The following TSBP1 variants were observed in gnomAD, a reference collection of about 807,000 sequenced individuals.
The protein encoded by TSBP1 is testis-expressed basic protein 1.
TSBP1 carries 56 observed loss-of-function variants against 68.8 expected under a neutral mutation model. The ratio of observed to expected loss-of-function variants is 0.81; its 90% confidence interval spans 0.66 to 1.02. TSBP1 has a LOEUF of 1.02. Among genes scored for constraint, TSBP1 ranks in the 50% least tolerant of loss-of-function variants. TSBP1 has a pLI of 0.00. For missense variants in TSBP1, 502 were observed against 641.2 expected, an observed-to-expected ratio of 0.78 and a Z score of 2.34; for synonymous variants, 171 against 208.7, an observed-to-expected ratio of 0.82 and a Z score of 1.56.
chr6:32,370,775 A>C (rs1490751245), intron 1 of TSBP1, among the ~76,000 whole-genome samples: 1 of 151,996 alleles, frequency 6.6e-6, no homozygotes, highest in African/African-American at 2.4e-5. Context: ...TCTTGCAGTC[A>C]TAGGAGAGAA....
chr6:32,328,471 AGTG>A (rs1768537977), intron 16 of TSBP1, among the ~76,000 whole-genome samples: 1 of 151,684 alleles, frequency 6.6e-6, no homozygotes, highest in Non-Finnish European at 1.5e-5. Context: ...GCTGGAGTGC[AGTG>A]GTGAGATCTC....
chr6:32,336,553 C>T lies in TSBP1; in HGVS notation c.430+62G>A. ...TTTAAAAATGCAGGGCAGATCAGGC[C>T]CCAAGACCTTGTAGGTCAGATATCA... On this transcript the variant is annotated intron_variant, in intron 12 of 22. Coordinates refer to ENST00000612031, the Ensembl canonical transcript of TSBP1. This position sits in a 1 kb window ranked among gnomAD's most constrained non-coding sequence, Gnocchi z 5.2. The T allele has an allele frequency of 7.2e-7, 1 of 1,392,916 alleles. No homozygotes were observed. The highest frequency in any genetic ancestry group is 1.0e-6 in the Non-Finnish European group (1 of 980,406). 86.3% of individuals were successfully genotyped at this position (1,392,916 alleles called of 1,614,324 possible). A position where few individuals can be genotyped will look rare whatever the true frequency, so the allele number is the denominator to read the frequency against.
chr6:32,307,876 A>G (rs56299948), intron 19 of TSBP1, among the ~76,000 whole-genome samples: 2,909 of 151,910 alleles, frequency 0.019, 51 homozygotes, highest in Non-Finnish European at 0.026. Context: ...CCTAGGTTCA[A>G]GTGACTCTCC....
chr6:32,331,749 G>A (rs919281342), intron 15 of TSBP1, among the ~76,000 whole-genome samples: 5 of 115,396 alleles, frequency 4.3e-5, no homozygotes, highest in Non-Finnish European at 1.1e-4. Context: ...AGTACCCCCA[G>A]CCTGTAAGCA....
rs1424587457 is a variant in TSBP1 at position 32,350,288 on chromosome 6, A to C, written c.260-459T>G. On this transcript the variant is annotated intron_variant, in intron 8 of 22. Coordinates refer to ENST00000612031, the Ensembl canonical transcript of TSBP1. ...AGAATAGCAAGAGACCAAATCAGGA[A>C]GTTCTTGAATAATATTAGAAGCTAA... is the stretch of plus-strand genomic sequence containing the variant. 16 of 412,748 alleles carry C rather than the reference A, an allele frequency of 3.9e-5. No homozygotes were observed. In the Admixed American group the frequency reaches 4.6e-4, roughly 12 times the overall value. 25.6% of individuals were successfully genotyped at this position (412,748 alleles called of 1,614,324 possible).
rs564359564 is a variant in TSBP1, at chr6:32,301,439, G to A, written c.602-739C>T. ...CATAGAAAGCACAAAATAGGCTGGC[G>A]CCGTGGCTCATGCCTGTAATCCCAG... On this transcript the variant is annotated intron_variant, in intron 20 of 22. Coordinates refer to ENST00000612031, the Ensembl canonical transcript of TSBP1. Among the ~76,000 whole-genome samples the A allele has an allele frequency of 1.2e-4, 18 of 152,162 alleles. No homozygotes were observed. The South Asian group carries it at 3.3e-3, about 28-fold the overall frequency.
intron 2 of TSBP1, among the ~76,000 whole-genome samples, 188 bp downstream of exon 2, chr6:32,369,709 G>T (rs1040946522): frequency 6.6e-6 from 1 of 152,076 alleles, no homozygotes; most frequent in Non-Finnish European, 1.5e-5. Flanking sequence ...GTAAACCTTG[G>T]GAGTTAAAAG....
At chr6:32,312,447 T>A (rs1766503632) in intron 19 of TSBP1, among the ~76,000 whole-genome samples, 1 of 152,208 alleles carries the variant, frequency 6.6e-6, no homozygotes, top group South Asian at 2.1e-4. Flanking sequence ...AGGGGATGGC[T>A]TAAGCATTTT....
In TSBP1 at chr6:32,343,916, GT is replaced by G. The variant is rs1770659115; in HGVS notation, c.350-4279del. ...AATTCTAGGGCAAGACTTGTAGAAG[GT>G]TTAATGATATTAACTTTGATAGTAA... On this transcript the variant is annotated intron_variant, in intron 9 of 22. Coordinates refer to ENST00000612031, the Ensembl canonical transcript of TSBP1. This position sits in a 1 kb window ranked among gnomAD's most constrained non-coding sequence, Gnocchi z 4.3. 6.6e-6 allele frequency among the ~76,000 whole-genome samples: 1 copy of G among 151,930 alleles called. No individual in the cohort carries two copies. Among genetic ancestry groups the G allele is most frequent in the Non-Finnish European group, 1.5e-5 (1 of 68,006 alleles).
At chr6:32,330,039 T>C (rs557020424) in intron 16 of TSBP1, among the ~76,000 whole-genome samples, 72 of 152,252 alleles carry the variant, frequency 4.7e-4, no homozygotes, top group African/African-American at 1.7e-3. Context: ...CGTGCGTGTG[T>C]GTGCGCGCGC....
At chr6:32,339,443 C>T in intron 10 of TSBP1, 157 bp downstream of exon 11, 1 of 730,192 alleles carries the variant, frequency 1.4e-6, no homozygotes, top group Non-Finnish European at 2.6e-6. Context: ...TGCTTTCTCA[C>T]CACCTTCCCC....
At chr6:32,339,618 T>C in exon 10 of TSBP1, 1 of 1,282,230 alleles carries the variant, frequency 7.8e-7, no homozygotes, top group Non-Finnish European at 1.1e-6. Context: ...TCTTCAGTTG[T>C]TTGTAAACAT....
intron 16 of TSBP1, chr6:32,326,164 G>T: frequency 1.4e-6 from 2 of 1,428,872 alleles, no homozygotes; most frequent in Non-Finnish European, 2.0e-6. Context: ...CTATGGCAGT[G>T]GCAGAAGATT....
In TSBP1 at chr6:32,323,156, A is replaced by C; in HGVS notation, c.539-19T>G. 1 of 1,504,286 alleles carries C rather than the reference A, an allele frequency of 6.6e-7. No homozygotes were observed. The highest frequency in any genetic ancestry group is 9.2e-7 in the Non-Finnish European group (1 of 1,085,396). 93.2% of individuals were successfully genotyped at this position (1,504,286 alleles called of 1,614,324 possible). ...GGTGGACCTAAAAACCAAAGTAGATATTGGTGAAGATTTCTTTGAAAGAAA... is the reference window on the plus strand; with the variant it reads ...GGTGGACCTAAAAACCAAAGTAGATCTTGGTGAAGATTTCTTTGAAAGAAA... On this transcript the variant is annotated intron_variant, in intron 17 of 22. Transcript: ENST00000612031.
At chr6:32,307,014 T>A (rs914590492) in intron 19 of TSBP1, among the ~76,000 whole-genome samples, 1 of 150,358 alleles carries the variant, frequency 6.7e-6, no homozygotes, top group Non-Finnish European at 1.5e-5. Flanking sequence ...TAATTTTGTT[T>A]CAAAATAATC....
chr6:32,293,301 C>T (rs1764346378), exon 23 of TSBP1: 3 of 1,612,180 alleles, frequency 1.9e-6, no homozygotes, highest in African/African-American at 2.7e-5. Flanking sequence ...GTGTTCTTTA[C>T]TTGGGATTCT....
intron 6 of TSBP1, among the ~76,000 whole-genome samples, chr6:32,358,736 A>G (rs1009967088): frequency 7.2e-5 from 11 of 151,960 alleles, no homozygotes; most frequent in African/African-American, 2.7e-4. Flanking sequence ...CCTACAAAGG[A>G]CACGAACTCA....
chr6:32,350,222 G>T (rs1380934471), intron 8 of TSBP1: 4 of 459,404 alleles, frequency 8.7e-6, no homozygotes, highest in Non-Finnish European at 1.7e-5. Flanking sequence ...TTCAACAGGG[G>T]TTTCCACTTT....
chr6:32,366,005 A>G, intron 6 of TSBP1, 162 bp downstream of exon 6: 8 of 1,103,964 alleles, frequency 7.2e-6, no homozygotes, highest in Non-Finnish European at 1.1e-5. Context: ...GGTGCCTCAT[A>G]GCGTGATGGT....
Sources: gnomAD v4.1 joint callset for allele counts (sites outside exome capture counted in the v4.1 genomes callset) on GRCh38, gnomAD v4.1.1 for gene constraint, Gnocchi (gnomAD v3.1) non-coding constraint, MANE v1.5 for transcripts, NCBI Gene and HGNC (gene_info 2026-07-23, HGNC 2026-07-21) for gene names.